Variants in CCDC7 observed in about 807,000 individuals in gnomAD.
CCDC7 encodes coiled-coil domain-containing protein 7.
CCDC7 carries 183 observed loss-of-function variants against 196.9 expected under a neutral mutation model. The ratio of observed to expected loss-of-function variants is 0.93; its 90% CI spans 0.82 to 1.05. CCDC7 has a LOEUF of 1.05. CCDC7 is among the 50% of genes least tolerant of loss of function. The pLI, the probability that CCDC7 is intolerant of heterozygous loss-of-function variation, is 0.00. For missense variants in CCDC7, 1,540 were observed against 1,482.2 expected (o/e 1.04, Z -0.64); for synonymous variants, 525 against 484.6 (o/e 1.08, Z -1.10).
chr10:32,675,846 G>T (rs2074866161), intron 21 of CCDC7: 2 of 152,012 alleles, frequency 1.3e-5, no homozygotes, highest in Non-Finnish European at 2.9e-5. Flanking sequence ...TCCCCATCCA[G>T]CTACCAATGA....
At chr10:32,536,726 T>G (rs1209857858) in intron 11 of CCDC7, among the ~76,000 whole-genome samples, 1 of 152,158 alleles carries the variant, frequency 6.6e-6, no homozygotes, top group Non-Finnish European at 1.5e-5. Context: ...CATGTGGTCT[T>G]GTTGTTTAGC....
At chr10:32,691,996 G>A (rs1013383917) in intron 23 of CCDC7, among the ~76,000 whole-genome samples, 2 of 152,216 alleles carry the variant, frequency 1.3e-5, no homozygotes, top group East Asian at 1.9e-4. Flanking sequence ...ATTCTGTAGT[G>A]ATAAGCTCCA....
chr10:32,545,415 C>T lies in CCDC7; in HGVS notation c.1134+1114C>T, dbSNP rs184921581. On this transcript the variant is annotated intron_variant, in intron 13 of 41. Transcript: ENST00000639629. ...GAACCAAGGAGTTATACCCAGTTCACGCTACTGTTTCCTTCACTTGCCCTT... is the reference window on the plus strand; with the variant it reads ...GAACCAAGGAGTTATACCCAGTTCATGCTACTGTTTCCTTCACTTGCCCTT... 1.8e-4 allele frequency among the ~76,000 whole-genome samples: 28 copies of T among 152,318 alleles called. No homozygotes were observed. The East Asian group carries it at 4.8e-3, about 26-fold the overall frequency.
chr10:32,763,933 T>A (rs2077851744), intron 28 of CCDC7, among the ~76,000 whole-genome samples: 2 of 151,858 alleles, frequency 1.3e-5, no homozygotes, highest in African/African-American at 4.8e-5. Context: ...ATATTCTGTA[T>A]ACTTGAAAAT....
intron 41 of CCDC7, among the ~76,000 whole-genome samples, chr10:32,861,538 A>G (rs2093984176): frequency 1.3e-5 from 2 of 152,204 alleles, no homozygotes. Context: ...TAAAACACCA[A>G]AAGCAATTGC....
chr10:32,475,609 C>T (rs996085958), intron 8 of CCDC7, among the ~76,000 whole-genome samples: 7 of 152,124 alleles, frequency 4.6e-5, no homozygotes, highest in African/African-American at 1.2e-4. Flanking sequence ...TTTGCAAATT[C>T]GTAAGATCTT....
chr10:32,555,851 G>T (rs1407380570), intron 13 of CCDC7, among the ~76,000 whole-genome samples: 1 of 152,174 alleles, frequency 6.6e-6, no homozygotes, highest in African/African-American at 2.4e-5. Flanking sequence ...GTTTGGATGT[G>T]CAAGATAAGT....
At chr10:32,584,719 C>G (rs372142597) in intron 18 of CCDC7, among the ~76,000 whole-genome samples, 54 of 130,132 alleles carry the variant, frequency 4.1e-4, no homozygotes, top group African/African-American at 1.5e-3. Flanking sequence ...CGCCACTGCA[C>G]TCCAGCCTGG....
chr10:32,444,569 A>T (rs1006649333), upstream of CCDC7, among the ~76,000 whole-genome samples: 3 of 152,234 alleles, frequency 2.0e-5, no homozygotes, highest in Admixed American at 2.0e-4. Flanking sequence ...GGTTCTAGAA[A>T]ATAACTGAAA....
intron 9 of CCDC7, among the ~76,000 whole-genome samples, chr10:32,509,495 T>C (rs1346809362): frequency 7.2e-6 from 1 of 139,722 alleles, no homozygotes; most frequent in Non-Finnish European, 1.5e-5. Flanking sequence ...GTCTGGGCAA[T>C]GATTTTTTTG....
rs1020265065 is a variant in CCDC7, at chr10:32,486,279, G to A, written c.797-5643G>A. Among the ~76,000 whole-genome samples the A allele has an allele frequency of 4.5e-4, 69 of 151,698 alleles. 1 individual carries two copies. The highest frequency in any genetic ancestry group is 1.6e-3 in the African/African-American group (66 of 41,368). ...GCCTTCTTTGTCTCTTTTGATCTTT[G>A]TTGGTTTAAAGTCTGTTTTATCAGA... On this transcript the variant is annotated intron_variant, in intron 8 of 41. Transcript: ENST00000639629.
intron 23 of CCDC7, among the ~76,000 whole-genome samples, chr10:32,690,397 ATCTGAACATCT>A (rs1246401749): frequency 6.6e-6 from 1 of 152,228 alleles, no homozygotes; most frequent in Non-Finnish European, 1.5e-5. Context: ...TATAAGGTTA[ATCTGAACATCT>A]AAGTGAAAAA....
chr10:32,488,826 T>A (rs1223362194), intron 8 of CCDC7, among the ~76,000 whole-genome samples: 2 of 152,226 alleles, frequency 1.3e-5, no homozygotes, highest in African/African-American at 4.8e-5. Context: ...TCTTCTAGAC[T>A]TTATGGACTA....
exon 12 of CCDC7, chr10:32,543,322 G>T: frequency 5.5e-6 from 8 of 1,448,344 alleles, no homozygotes; most frequent in Non-Finnish European, 7.4e-6. Context: ...ACAAATAATC[G>T]AACAAAGAAA....
intron 31 of CCDC7, among the ~76,000 whole-genome samples, chr10:32,818,714 A>G (rs963697467): frequency 1.3e-5 from 2 of 152,182 alleles, no homozygotes; most frequent in African/African-American, 4.8e-5. Context: ...CTGAATGACT[A>G]CTGGGTACAT....
chr10:32,633,760 A>G (rs1590868492), intron 18 of CCDC7, among the ~76,000 whole-genome samples: 1 of 149,052 alleles, frequency 6.7e-6, no homozygotes, highest in Non-Finnish European at 1.5e-5. Context: ...GTGTATATAT[A>G]TATGTTTTGG....
chr10:32,577,082 G>T (rs980771337), intron 16 of CCDC7, among the ~76,000 whole-genome samples: 25 of 152,232 alleles, frequency 1.6e-4, no homozygotes, highest in African/African-American at 5.8e-4. Flanking sequence ...AGTTCTGTTG[G>T]CCAAGTGTGG....
At chr10:32,533,083 A>G (rs1305257430) in intron 11 of CCDC7, among the ~76,000 whole-genome samples, 1 of 151,954 alleles carries the variant, frequency 6.6e-6, no homozygotes, top group Non-Finnish European at 1.5e-5. Flanking sequence ...TTTTTATGAT[A>G]ATATGTTCTG....
At chr10:32,636,498 G>C (rs1039849751) in intron 20 of CCDC7, among the ~76,000 whole-genome samples, 4 of 152,032 alleles carry the variant, frequency 2.6e-5, no homozygotes, top group East Asian at 1.9e-4. Flanking sequence ...TTGTCCTTGC[G>C]ATAGTTTGCT....
Sources: allele counts gnomAD v4.1 joint callset (sites outside exome capture counted in the v4.1 genomes callset), GRCh38; gene constraint gnomAD v4.1.1; transcripts MANE v1.5; gene names NCBI Gene and HGNC (gene_info 2026-07-23, HGNC 2026-07-21).